Variants in CDKL3 observed in about 807,000 individuals in gnomAD.
CDKL3 encodes cyclin dependent kinase like 3.
CDKL3 carries 65 observed loss-of-function variants against 69.3 expected under a neutral mutation model. The observed-to-expected ratio is 0.94, with a 90% confidence interval of 0.77 to 1.15. CDKL3 has a LOEUF of 1.15. CDKL3 is among the 50% of genes most tolerant of loss of function. The pLI, the probability that CDKL3 is intolerant of heterozygous loss-of-function variation, is 0.00. For missense variants in CDKL3, 652 were observed against 689.2 expected (o/e 0.95, Z 0.61); for synonymous variants, 202 against 221.6 (o/e 0.91, Z 0.79).
chr5:134,333,222 C>T (rs1231295581), intron 4 of CDKL3, among the ~76,000 whole-genome samples: 5 of 152,172 alleles, frequency 3.3e-5, no homozygotes, highest in African/African-American at 7.2e-5. Flanking sequence ...TGGGCTGAGA[C>T]GATGGGGTTT....
chr5:134,359,407 G>A (rs546098114), intron 3 of CDKL3, among the ~76,000 whole-genome samples: 1 of 152,248 alleles, frequency 6.6e-6, no homozygotes, highest in South Asian at 2.1e-4. Flanking sequence ...CCTCTTCCTT[G>A]ATTTTTCATA....
chr5:134,335,010 A>G (rs1377019636), intron 4 of CDKL3, among the ~76,000 whole-genome samples: 1 of 152,028 alleles, frequency 6.6e-6, no homozygotes, highest in Non-Finnish European at 1.5e-5. Flanking sequence ...TGTTGGGTGC[A>G]TATATATTTA....
At chr5:134,340,256 C>G (rs1750144557) in intron 4 of CDKL3, among the ~76,000 whole-genome samples, 1 of 152,122 alleles carries the variant, frequency 6.6e-6, no homozygotes, top group Non-Finnish European at 1.5e-5. Context: ...AAATGTATAG[C>G]TGTAATGCCT....
At chr5:134,361,594 T>C (rs905216123) in intron 2 of CDKL3, among the ~76,000 whole-genome samples, 2 of 152,184 alleles carry the variant, frequency 1.3e-5, no homozygotes, top group Non-Finnish European at 2.9e-5. Flanking sequence ...CAATAGCATA[T>C]TGACAGCAGT....
chr5:134,336,551 GTTTGTTAGTTTTCCTTC>G (rs1777156384), intron 4 of CDKL3, among the ~76,000 whole-genome samples: 1 of 152,198 alleles, frequency 6.6e-6, no homozygotes, highest in Non-Finnish European at 1.5e-5. Flanking sequence ...ATTCCTTTCT[GTTTGTTAGTTTTCCTTC>G]CAACAGACAG....
downstream of CDKL3, among the ~76,000 whole-genome samples, chr5:134,297,807 C>A (rs1362627581): frequency 6.6e-6 from 1 of 151,758 alleles, no homozygotes; most frequent in Non-Finnish European, 1.5e-5. Context: ...GTCTCAAACT[C>A]CCGACCTCAG....
chr5:134,323,229 GA>G (rs1257907373), intron 4 of CDKL3, among the ~76,000 whole-genome samples: 8 of 152,094 alleles, frequency 5.3e-5, no homozygotes, highest in Non-Finnish European at 8.8e-5. Flanking sequence ...ATAATTATGT[GA>G]GGTAACACAC....
At chr5:134,294,764 G>A (rs1456427363), downstream of CDKL3, among the ~76,000 whole-genome samples, 3 of 150,636 alleles carry the variant, frequency 2.0e-5, no homozygotes, top group Non-Finnish European at 3.0e-5. Context: ...AAGGTCTCAG[G>A]ATACAAGATC....
chr5:134,335,246 A>T (rs1266844140), intron 4 of CDKL3, among the ~76,000 whole-genome samples: 1 of 151,634 alleles, frequency 6.6e-6, no homozygotes, highest in Non-Finnish European at 1.5e-5. Context: ...CCCTGAATAC[A>T]GCACACTGAT....
At chr5:134,371,460 T>G, upstream of CDKL3, 14 of 1,092,248 alleles carry the variant, frequency 1.3e-5, no homozygotes, top group Non-Finnish European at 1.8e-5. Context: ...CATTGCAGGG[T>G]TGTTTGTCAG....
At chr5:134,361,306 G>A (rs1755958101) in intron 2 of CDKL3, among the ~76,000 whole-genome samples, 1 of 150,528 alleles carries the variant, frequency 6.6e-6, no homozygotes, top group African/African-American at 2.4e-5. Context: ...GGCTGGTCTC[G>A]AACTCCTGGC....
At chr5:134,333,017 G>C (rs958374055) in intron 4 of CDKL3, among the ~76,000 whole-genome samples, 10 of 152,164 alleles carry the variant, frequency 6.6e-5, no homozygotes, top group African/African-American at 2.4e-4. Flanking sequence ...CATATCCCTT[G>C]TAAGTTGGAT....
chr5:134,336,641 G>A (rs1004362311), intron 4 of CDKL3, among the ~76,000 whole-genome samples: 2 of 152,158 alleles, frequency 1.3e-5, no homozygotes, highest in African/African-American at 4.8e-5. Context: ...ATTTGCCTGG[G>A]TATCACCAGC....
At chr5:134,343,014 G>A (rs545890854) in intron 4 of CDKL3, among the ~76,000 whole-genome samples, 19 of 152,222 alleles carry the variant, frequency 1.2e-4, no homozygotes, top group African/African-American at 3.9e-4. Context: ...AGACCAGCCG[G>A]GCCAACGTGG....
intron 4 of CDKL3, among the ~76,000 whole-genome samples, chr5:134,332,947 G>C (rs1389350060): frequency 6.6e-6 from 1 of 152,174 alleles, no homozygotes; most frequent in East Asian, 1.9e-4. Context: ...TCTTCCATTT[G>C]TTTGTGTCCT....
At chr5:134,370,378 C>G (rs1210972515), upstream of CDKL3, among the ~76,000 whole-genome samples, 1 of 152,204 alleles carries the variant, frequency 6.6e-6, no homozygotes, top group African/African-American at 2.4e-5. Flanking sequence ...GGCCCATTTG[C>G]ACCTTTCTTG....
At chr5:134,367,232 A>T (rs578137469), upstream of CDKL3, 187 of 985,410 alleles carry the variant, frequency 1.9e-4, no homozygotes, top group Middle Eastern at 1.0e-3. Flanking sequence ...AAGTGGGAAG[A>T]AACGGAAACC....
At chr5:134,327,893 C>T (rs2149511100) in intron 4 of CDKL3, among the ~76,000 whole-genome samples, 1 of 152,242 alleles carries the variant, frequency 6.6e-6, no homozygotes, top group South Asian at 2.1e-4. Context: ...GTGAGCCTAC[C>T]CAAAGCTGTG....
At position 134,331,180 on chromosome 5, in the gene CDKL3, T is replaced by C. The variant is rs780356297; in HGVS notation, c.540-9277A>G. Among the ~76,000 whole-genome samples the C allele has an allele frequency of 1.6e-4, 25 of 152,212 alleles. 1 individual carries two copies. The highest frequency in any genetic ancestry group is 5.9e-5 in the Non-Finnish European group (4 of 68,036). ...GTTTCTACTATTAATCATCCTTCAATTAGGGCAATCGTCCCCTTCAATTAG... is the reference window on the plus strand; with the variant it reads ...GTTTCTACTATTAATCATCCTTCAACTAGGGCAATCGTCCCCTTCAATTAG... On this transcript the variant is annotated intron_variant, in intron 4 of 12. Transcript: ENST00000265334.
Sources: gnomAD v4.1 joint callset for allele counts (sites outside exome capture counted in the v4.1 genomes callset) on GRCh38, gnomAD v4.1.1 for gene constraint, MANE v1.5 for transcripts, NCBI Gene and HGNC (gene_info 2026-07-23, HGNC 2026-07-21) for gene names.